PARP6: variants seen among roughly 807,000 people sequenced by gnomAD.
PARP6 encodes the protein protein mono-ADP-ribosyltransferase PARP6.
A neutral mutation model predicts 92.0 loss-of-function variants in PARP6; 27 were observed. That is an observed-to-expected ratio of 0.29 (90% CI 0.22 to 0.40). The LOEUF (loss-of-function observed/expected upper bound fraction) is 0.40, where lower values mean the gene tolerates loss of function less well. PARP6 is among the 10% of genes least tolerant of loss of function. PARP6 has a pLI of 1.00. For synonymous variants in PARP6, 272 were observed against 281.2 expected, an observed-to-expected ratio of 0.97 and a Z score of 0.33; for missense variants, 501 against 784.5, an observed-to-expected ratio of 0.64 and a Z score of 4.32.
At chr15:72,268,849 A>G (rs906070395) in intron 2 of PARP6, among the ~76,000 whole-genome samples, 1 of 152,204 alleles carries the variant, frequency 6.6e-6, no homozygotes, top group Admixed American at 6.5e-5. Context: ...AAAAACTTTT[A>G]CTTAACCCAG....
intron 9 of PARP6, 136 bp downstream of exon 9, chr15:72,261,422 C>A: frequency 5.3e-6 from 4 of 761,436 alleles, no homozygotes; most frequent in Non-Finnish European, 8.9e-6. Context: ...GGGAACAGGA[C>A]CATGTGAGTG....
chr15:72,242,626 G>T lies in PARP6; in HGVS notation c.1635C>A (p.Ile545=). The change falls in exon 21 of 24, where the codon ATC becomes ATA. Residue 545 remains isoleucine, a synonymous_variant. Coordinates refer to ENST00000569795, the MANE Select transcript of PARP6 (RefSeq NM_001323532.2). The surrounding 1 kb of genome is among the most constrained non-coding windows in gnomAD (Gnocchi z 4.3). ...LVQRYNRMNT[I]PQTRSIQSRF... Reference sequence around the variant, plus strand: ...ATTAGAATAGTTCCAATACCTGGGGGATGGTATTCATCCTGTTGTATCTCT... The same window carrying T: ...ATTAGAATAGTTCCAATACCTGGGGTATGGTATTCATCCTGTTGTATCTCT... 4 of 1,597,584 alleles carry T rather than the reference G, an allele frequency of 2.5e-6. No homozygotes were observed. The highest frequency in any genetic ancestry group is 3.4e-6 in the Non-Finnish European group (4 of 1,164,898).
At chr15:72,265,252 G>A in intron 6 of PARP6, 81 bp from the exon 7 acceptor site, 2 of 1,054,218 alleles carry the variant, frequency 1.9e-6, no homozygotes, top group South Asian at 1.3e-5. Context: ...ACACACACAT[G>A]CACATGACAG....
At chr15:72,247,717 T>C (rs564513487) in intron 20 of PARP6, among the ~76,000 whole-genome samples, 49 of 152,342 alleles carry the variant, frequency 3.2e-4, no homozygotes, top group Non-Finnish European at 5.9e-4. Context: ...TGTTATCTTT[T>C]TCTAGAAATT....
At chr15:72,261,909 CA>C (rs2085939570) in intron 8 of PARP6, among the ~76,000 whole-genome samples, 1 of 152,176 alleles carries the variant, frequency 6.6e-6, no homozygotes, top group South Asian at 2.1e-4. Context: ...CCCTAGAGGG[CA>C]CCTAGCCTAA....
intron 8 of PARP6, among the ~76,000 whole-genome samples, chr15:72,263,994 G>C (rs12914269): frequency 6.7e-6 from 1 of 149,824 alleles, no homozygotes; most frequent in Non-Finnish European, 1.5e-5. Flanking sequence ...CTGCACTCCA[G>C]CCTGGGTGAG....
At chr15:72,261,779 A>G in intron 8 of PARP6, 72 bp from the exon 9 acceptor site, 1 of 1,462,408 alleles carries the variant, frequency 6.8e-7, no homozygotes, top group Non-Finnish European at 9.5e-7. Flanking sequence ...AGAGAGACAA[A>G]TAATCTAAAA....
chr15:72,253,773 G>T, intron 15 of PARP6: 3 of 611,358 alleles, frequency 4.9e-6, no homozygotes, highest in South Asian at 3.0e-5. Context: ...CTAAAAAGTT[G>T]ATTATAAATC....
rs200803342 is a variant in PARP6, at chr15:72,260,514, G to A, written c.720C>T (p.His240=). ...SPQAGLLCPQ[H]VGLPPPARTS... is the part of the protein sequence containing the mutation. ...TCCGTGCTGGGGGAGGGAGGCCCAC[G>A]TGCTGAGGGCACAGGAGACCTGCCT... Residue 240 remains histidine, a synonymous_variant, in exon 10 of 24, where the codon CAC becomes CAT. Transcript: ENST00000569795. The A allele has an allele frequency of 1.5e-5, 24 of 1,614,204 alleles. 1 individual carries two copies. The highest frequency in any genetic ancestry group is 1.5e-4 in the African/African-American group (11 of 75,062).
At chr15:72,249,109 A>G (rs1414880684) in intron 20 of PARP6, 136 bp downstream of exon 20, 2 of 461,926 alleles carry the variant, frequency 4.3e-6, no homozygotes, top group Non-Finnish European at 7.9e-6. Flanking sequence ...GAGAGAGAGA[A>G]TATGTATCCA....
rs372878175 is a variant in PARP6 at position 72,259,614 on chromosome 15, G to A, written c.804C>T (p.Leu268=). The A allele has an allele frequency of 2.5e-5, 41 of 1,613,856 alleles. No homozygotes were observed. The highest frequency in any genetic ancestry group is 1.2e-4 in the Admixed American group (7 of 59,986). ...KNIPTLEYGF[L]VQIMKYAEQR... is the part of the protein sequence containing the mutation. Reference sequence around the variant, plus strand: ...ACAATTTTGACTTGATTACCTGAACGAGGAATCCATACTCCAGAGTGGGAA... The same window carrying A: ...ACAATTTTGACTTGATTACCTGAACAAGGAATCCATACTCCAGAGTGGGAA... The change falls in exon 11 of 24, where the codon CTC becomes CTT. Residue 268 remains leucine, a synonymous_variant. Transcript: ENST00000569795.
chr15:72,242,711 C>A lies in PARP6; in HGVS notation c.1562-12G>T. 1 of 1,576,174 alleles carries A rather than the reference C, an allele frequency of 6.3e-7. No individual in the cohort carries two copies. The highest frequency in any genetic ancestry group is 8.7e-7 in the Non-Finnish European group (1 of 1,153,566). On this transcript the variant is annotated splice_polypyrimidine_tract_variant and intron_variant, in intron 20 of 23. Coordinates refer to ENST00000569795, the MANE Select transcript of PARP6 (RefSeq NM_001323532.2). The surrounding 1 kb of genome is among the most constrained non-coding windows in gnomAD (Gnocchi z 4.3). ...TCCTTTTCCCATTCCTGTCACAGAA[C>A]AATACACCCACTTCATTTATCAAAA... is the stretch of plus-strand genomic sequence containing the variant.
Position 72,242,264 on chromosome 15 carries a change from G to A in PARP6, c.1642-44C>T, listed in dbSNP as rs773475754. 1.1e-5 allele frequency: 16 copies of A among 1,495,092 alleles called. No homozygotes were observed. The highest frequency in any genetic ancestry group is 1.5e-5 in the Non-Finnish European group (16 of 1,071,956). 92.6% of individuals were successfully genotyped at this position (1,495,092 alleles called of 1,614,324 possible). A position where few individuals can be genotyped will look rare whatever the true frequency, so the allele number is the denominator to read the frequency against. On this transcript the variant is annotated intron_variant, in intron 21 of 23. Coordinates refer to ENST00000569795, the MANE Select transcript of PARP6 (RefSeq NM_001323532.2). This position sits in a 1 kb window ranked among gnomAD's most constrained non-coding sequence, Gnocchi z 4.3. ...AAGGAGACCAGAGCCAGGTAGATGG[G>A]TACAGCTTTCCCTAGAGAGGCTGGT...
intron 20 of PARP6, chr15:72,244,011 T>G (rs915557022): frequency 6.6e-6 from 1 of 152,214 alleles, no homozygotes; most frequent in African/African-American, 2.4e-5. Flanking sequence ...CAGATTTAGG[T>G]AGGGCCTGAA....
chr15:72,268,621 C>A (rs1001650561), intron 2 of PARP6, among the ~76,000 whole-genome samples: 2 of 152,204 alleles, frequency 1.3e-5, no homozygotes, highest in African/African-American at 4.8e-5. Context: ...TCGCTTGAAT[C>A]CGGGAGGCGG....
chr15:72,257,470 G>C, intron 12 of PARP6, 30 bp from the exon 13 acceptor site: 1 of 1,557,122 alleles, frequency 6.4e-7, no homozygotes, highest in Non-Finnish European at 8.9e-7. Context: ...AGATGGTGGT[G>C]GGATGGGGTG....
intron 16 of PARP6, among the ~76,000 whole-genome samples, chr15:72,253,174 CA>C (rs11300145): frequency 0.9 from 121,243 of 134,430 alleles, 54,615 homozygotes; most frequent in Non-Finnish European, 0.96. Flanking sequence ...GACCCTATCT[CA>C]AAAAAAAAAA....
chr15:72,255,784 C>T (rs1268613723), intron 14 of PARP6, among the ~76,000 whole-genome samples: 27 of 92,810 alleles, frequency 2.9e-4, no homozygotes, highest in South Asian at 1.6e-3. Flanking sequence ...TTACTTCTCT[C>T]TTTTTTTTTT....
rs1329474582 is a variant in PARP6 at position 72,271,092 on chromosome 15, G to C, written c.-264C>G. ...GGTTCGTGAGATTTGAAAATAAACA[G>C]TCAAGTGCTGATCTGGATGATCACA... On this transcript the variant is annotated 5_prime_UTR_variant, in exon 2 of 24. Coordinates refer to ENST00000569795, the MANE Select transcript of PARP6 (RefSeq NM_001323532.2). The C allele has an allele frequency of 2.0e-5, 3 of 152,194 alleles. No individual in the cohort carries two copies. The highest frequency in any genetic ancestry group is 4.4e-5 in the Non-Finnish European group (3 of 68,026). The allele number at this position is 152,194 out of a possible 1,614,324, so 9.4% of individuals were successfully genotyped here.
Sources: gnomAD v4.1 joint callset for allele counts (sites outside exome capture counted in the v4.1 genomes callset) on GRCh38, gnomAD v4.1.1 for gene constraint, Gnocchi (gnomAD v3.1) non-coding constraint, MANE v1.5 for transcripts, NCBI Gene and HGNC (gene_info 2026-07-23, HGNC 2026-07-21) for gene names.